Variants in MAGI1 observed in about 807,000 individuals in gnomAD.
MAGI1 encodes membrane-associated guanylate kinase, WW and PDZ domain-containing protein 1.
Under a neutral mutation model 139.9 loss-of-function variants are expected in MAGI1, and 58 were observed. That is an observed-to-expected ratio of 0.41 (90% confidence interval 0.34 to 0.52). The LOEUF (loss-of-function observed/expected upper bound fraction) is 0.52, where lower values mean the gene tolerates loss of function less well. Ranked by LOEUF, MAGI1 falls within the 20% of genes least tolerant of loss-of-function variation. The pLI is 0.12. For synonymous variants in MAGI1, 812 were observed against 737.9 expected (o/e 1.10, Z -1.63); for missense variants, 1,874 against 1,901.6 (o/e 0.99, Z 0.27).
intron 1 of MAGI1, among the ~76,000 whole-genome samples, chr3:66,024,962 A>C (rs2068168409): frequency 6.6e-6 from 1 of 152,238 alleles, no homozygotes; most frequent in Admixed American, 6.5e-5. Flanking sequence ...TAGTTAATAT[A>C]TTCTCTGGGG....
At chr3:65,508,453 AT>A in intron 2 of MAGI1, among the ~76,000 whole-genome samples, 1 of 152,262 alleles carries the variant, frequency 6.6e-6, no homozygotes, top group Middle Eastern at 3.4e-3. Context: ...TTTTATTATT[AT>A]AAGTTACTTT....
chr3:65,668,312 C>G (rs2086649182), intron 1 of MAGI1, among the ~76,000 whole-genome samples: 2 of 152,194 alleles, frequency 1.3e-5, no homozygotes, highest in South Asian at 4.1e-4. Flanking sequence ...TAAGCTTATA[C>G]TGGCTCATGA....
At chr3:65,491,597 C>T (rs1307191826) in intron 3 of MAGI1, among the ~76,000 whole-genome samples, 2 of 152,066 alleles carry the variant, frequency 1.3e-5, no homozygotes, top group African/African-American at 2.4e-5. Flanking sequence ...CTCTGCTAAC[C>T]AAAGAGGAGT....
chr3:65,470,512 AG>A, intron 4 of MAGI1, 28 bp from the exon 5 acceptor site: 1 of 1,407,050 alleles, frequency 7.1e-7, no homozygotes, highest in Admixed American at 2.2e-5. Flanking sequence ...GAGGTGAGAG[AG>A]AGAGAGAGAG....
intron 8 of MAGI1, among the ~76,000 whole-genome samples, 172 bp downstream of exon 8, chr3:65,442,620 C>T (rs1343701349): frequency 6.6e-6 from 1 of 152,128 alleles, no homozygotes; most frequent in East Asian, 1.9e-4. Context: ...TTGCTATTTT[C>T]AGATTTATTG....
intron 1 of MAGI1, among the ~76,000 whole-genome samples, chr3:65,855,835 G>A (rs1332060040): frequency 6.6e-6 from 1 of 151,482 alleles, no homozygotes; most frequent in Non-Finnish European, 1.5e-5. Flanking sequence ...GTGAAATGAA[G>A]CCCTTCATTC....
chr3:65,396,898 G>A (rs187284265), intron 13 of MAGI1, among the ~76,000 whole-genome samples: 11 of 152,278 alleles, frequency 7.2e-5, no homozygotes, highest in Admixed American at 5.9e-4. Context: ...TTCCAAAAAG[G>A]TGGGCGAGAG....
intron 2 of MAGI1, among the ~76,000 whole-genome samples, chr3:65,599,781 G>A (rs1476493513): frequency 6.6e-6 from 1 of 152,146 alleles, no homozygotes; most frequent in Non-Finnish European, 1.5e-5. Context: ...AGCTCCCAGG[G>A]CTTCAATTAG....
chr3:65,603,062 G>A (rs538165401), intron 2 of MAGI1, among the ~76,000 whole-genome samples: 10 of 152,042 alleles, frequency 6.6e-5, no homozygotes, highest in Admixed American at 1.3e-4. Context: ...TGTGAATAGA[G>A]CAATGACTGT....
intron 13 of MAGI1, among the ~76,000 whole-genome samples, chr3:65,395,947 G>A (rs1944362453): frequency 6.6e-6 from 1 of 152,042 alleles, no homozygotes; most frequent in Admixed American, 6.6e-5. Flanking sequence ...AGCCCCAGGT[G>A]CAGTCAATGT....
At chr3:65,963,261 G>A (rs1173837045) in intron 1 of MAGI1, among the ~76,000 whole-genome samples, 1 of 141,146 alleles carries the variant, frequency 7.1e-6, no homozygotes, top group Non-Finnish European at 1.5e-5. Context: ...GCAGTGAGTC[G>A]AGAGCGCACC....
chr3:65,660,898 A>C (rs1210354778), intron 1 of MAGI1, among the ~76,000 whole-genome samples: 1 of 152,228 alleles, frequency 6.6e-6, no homozygotes, highest in Admixed American at 6.5e-5. Context: ...TCTGGGAACA[A>C]GATAGGTAAA....
At chr3:65,762,324 T>C (rs1183518808) in intron 1 of MAGI1, among the ~76,000 whole-genome samples, 1 of 151,992 alleles carries the variant, frequency 6.6e-6, no homozygotes, top group Non-Finnish European at 1.5e-5. Context: ...AGTTGGTTAG[T>C]GATGATAAAG....
chr3:65,963,288 G>A (rs1365881974), intron 1 of MAGI1, among the ~76,000 whole-genome samples: 2 of 139,900 alleles, frequency 1.4e-5, no homozygotes, highest in Non-Finnish European at 3.0e-5. Context: ...CTCCAGCCTG[G>A]TCAACAGAGC....
At chr3:65,649,251 G>A (rs886645735) in intron 1 of MAGI1, among the ~76,000 whole-genome samples, 3 of 152,050 alleles carry the variant, frequency 2.0e-5, no homozygotes, top group Non-Finnish European at 4.4e-5. Flanking sequence ...GTGGAGTGGT[G>A]TGCACCTGTA....
At chr3:65,669,332 C>T (rs990604757) in intron 1 of MAGI1, among the ~76,000 whole-genome samples, 7 of 152,120 alleles carry the variant, frequency 4.6e-5, no homozygotes, top group African/African-American at 1.4e-4. Context: ...TGCAAAATTG[C>T]TCTTGTTTGA....
At chr3:65,843,480 A>C (rs74349247) in intron 1 of MAGI1, among the ~76,000 whole-genome samples, 2,514 of 152,286 alleles carry the variant, frequency 0.017, 68 homozygotes, top group African/African-American at 0.054. Flanking sequence ...TTGTTGTTTT[A>C]AGCTAAAAAC....
chr3:65,485,918 T>TC (rs1951597647), intron 3 of MAGI1, among the ~76,000 whole-genome samples: 1 of 151,994 alleles, frequency 6.6e-6, no homozygotes, highest in African/African-American at 2.4e-5. Flanking sequence ...CTTCGCCAGC[T>TC]CCCCCCATCT....
At chr3:65,646,843 A>T (rs551656355) in intron 1 of MAGI1, among the ~76,000 whole-genome samples, 6 of 152,096 alleles carry the variant, frequency 3.9e-5, no homozygotes, top group Non-Finnish European at 5.9e-5. Flanking sequence ...ATACACATCG[A>T]CATAAATAAA....
Sources: gnomAD v4.1 joint callset for allele counts (sites outside exome capture counted in the v4.1 genomes callset) on GRCh38, gnomAD v4.1.1 for gene constraint, MANE v1.5 for transcripts, NCBI Gene and HGNC (gene_info 2026-07-23, HGNC 2026-07-21) for gene names.